STXBP5L: variants seen among roughly 807,000 people sequenced by gnomAD.
STXBP5L encodes the protein syntaxin-binding protein 5-like.
A neutral mutation model predicts 144.5 loss-of-function variants in STXBP5L; 65 were observed. The ratio of observed to expected loss-of-function variants is 0.45; its 90% confidence interval spans 0.37 to 0.55. The LOEUF (loss-of-function observed/expected upper bound fraction) is 0.55, where lower values mean the gene tolerates loss of function less well. Ranked by LOEUF, STXBP5L falls within the 20% of genes least tolerant of loss-of-function variation. The probability of loss-of-function intolerance (pLI) is 0.00; values close to 1 mark genes in which losing one functional copy is unlikely to be tolerated. For missense variants in STXBP5L, 1,298 were observed against 1,405.5 expected (o/e 0.92, Z 1.22); for synonymous variants, 505 against 469.6 (o/e 1.08, Z -0.97).
At position 121,125,287 on chromosome 3, in the gene STXBP5L, G is replaced by T. The variant is rs567223438; in HGVS notation, c.669+3583G>T. Among the ~76,000 whole-genome samples the T allele has an allele frequency of 2.0e-4, 30 of 152,152 alleles. No homozygotes were observed. In the South Asian group the frequency reaches 5.8e-3, roughly 29 times the overall value. ...AGTTCAAGACCAGCCTGGCCAACATGGTGGAACCCTGTCTCTACCAAAAAC... is the reference window on the plus strand; with the variant it reads ...AGTTCAAGACCAGCCTGGCCAACATTGTGGAACCCTGTCTCTACCAAAAAC... On this transcript the variant is annotated intron_variant, in intron 7 of 26. Transcript: ENST00000471454.
At chr3:121,144,170 G>A (rs997468580) in intron 7 of STXBP5L, among the ~76,000 whole-genome samples, 23 of 149,256 alleles carry the variant, frequency 1.5e-4, no homozygotes, top group Non-Finnish European at 2.4e-4. Flanking sequence ...CTAGTAACCC[G>A]ATTTTAAAAT....
intron 3 of STXBP5L, among the ~76,000 whole-genome samples, chr3:121,007,647 G>T (rs958656731): frequency 6.6e-6 from 1 of 152,002 alleles, no homozygotes; most frequent in African/African-American, 2.4e-5. Flanking sequence ...CAGGATGAGG[G>T]TGGGATATTA....
intron 19 of STXBP5L, among the ~76,000 whole-genome samples, chr3:121,310,531 C>T (rs2043490654): frequency 1.3e-5 from 2 of 151,560 alleles, no homozygotes; most frequent in South Asian, 4.2e-4. Flanking sequence ...AGGAGAGGGG[C>T]ATGAACCCAG....
chr3:121,024,045 A>G (rs1318855041), intron 3 of STXBP5L, among the ~76,000 whole-genome samples: 1 of 152,172 alleles, frequency 6.6e-6, no homozygotes, highest in Non-Finnish European at 1.5e-5. Context: ...GGCATGAGCC[A>G]CCGTGCCTGG....
intron 5 of STXBP5L, among the ~76,000 whole-genome samples, chr3:121,108,038 G>A (rs1461896065): frequency 6.6e-6 from 1 of 152,104 alleles, no homozygotes; most frequent in African/African-American, 2.4e-5. Context: ...ATATAGGAAT[G>A]GTTGTGATTT....
At chr3:121,399,992 C>T (rs1288178817) in intron 22 of STXBP5L, among the ~76,000 whole-genome samples, 1 of 152,224 alleles carries the variant, frequency 6.6e-6, no homozygotes, top group African/African-American at 2.4e-5. Flanking sequence ...TGAGAATTTG[C>T]ATTTTTAGCA....
intron 2 of STXBP5L, among the ~76,000 whole-genome samples, chr3:120,949,766 C>T (rs764654774): frequency 3.9e-5 from 6 of 152,012 alleles, no homozygotes; most frequent in Non-Finnish European, 7.4e-5. Flanking sequence ...TTATTCTGTT[C>T]CATTTGTCTA....
chr3:121,259,027 G>A lies in STXBP5L; in HGVS notation c.1833-16G>A, dbSNP rs771576310. 6.3e-7 allele frequency: 1 copy of A among 1,586,956 alleles called. No individual in the cohort carries two copies. The highest frequency in any genetic ancestry group is 1.2e-5 in the South Asian group (1 of 85,622). The stretch of plus-strand genomic sequence containing the variant: ...TATTTAAGCTGTATATAATAGGATT[G>A]TTTTTGTTCTTAAAGTGTGAAGACA... On this transcript the variant is annotated splice_polypyrimidine_tract_variant and intron_variant, in intron 17 of 26. Transcript: ENST00000471454.
intron 3 of STXBP5L, among the ~76,000 whole-genome samples, chr3:121,035,927 G>T (rs770709586): frequency 1.3e-5 from 2 of 152,042 alleles, no homozygotes; most frequent in Admixed American, 6.6e-5. Context: ...CAGTGAACAG[G>T]TCTTAAAACA....
In STXBP5L at chr3:121,250,641, T is replaced by G. The variant is rs571357440; in HGVS notation, c.1401-82T>G. On this transcript the variant is annotated intron_variant, in intron 14 of 26. Transcript: ENST00000471454. ...TTTTGAATCAAAATTGTATCAACAG[T>G]AACTCAAGTTTCTGTACATTTGGAG... 8.8e-6 allele frequency: 10 copies of G among 1,134,476 alleles called. No homozygotes were observed. In the East Asian group the frequency reaches 2.5e-4, roughly 29 times the overall value. The allele number at this position is 1,134,476 out of a possible 1,614,324, so 70.3% of individuals were successfully genotyped here. A position where few individuals can be genotyped will look rare whatever the true frequency, so the allele number is the denominator to read the frequency against.
chr3:121,058,305 T>G (rs1157742099), intron 5 of STXBP5L, among the ~76,000 whole-genome samples: 1 of 152,218 alleles, frequency 6.6e-6, no homozygotes, highest in Non-Finnish European at 1.5e-5. Flanking sequence ...AGACATGAAC[T>G]AATCCTTTTC....
At chr3:121,087,164 G>C (rs949022457) in intron 5 of STXBP5L, among the ~76,000 whole-genome samples, 1 of 152,010 alleles carries the variant, frequency 6.6e-6, no homozygotes, top group Admixed American at 6.6e-5. Flanking sequence ...TTTTGCTGTT[G>C]TTGACAGATT....
rs2050757994 is a variant in STXBP5L, at chr3:121,272,370, A to C, written c.1959-7435A>C. Among the ~76,000 whole-genome samples the C allele has an allele frequency of 3.3e-5, 5 of 152,230 alleles. No homozygotes were observed. The South Asian group carries it at 1.0e-3, about 32-fold the overall frequency. On this transcript the variant is annotated intron_variant, in intron 18 of 26. Coordinates refer to ENST00000471454, the MANE Select transcript of STXBP5L (RefSeq NM_001308330.2). ...TTGATGGATTGACTTCTTTATTGTT[A>C]TTTAATGATCCTCTTTGTCTTATGA... is the stretch of plus-strand genomic sequence containing the variant.
chr3:121,055,164 C>T (rs990866673), intron 5 of STXBP5L, among the ~76,000 whole-genome samples: 1 of 152,060 alleles, frequency 6.6e-6, no homozygotes, highest in African/African-American at 2.4e-5. Flanking sequence ...AAGAAAGATA[C>T]ATACATATTG....
chr3:120,959,540 G>A (rs1168615274), intron 3 of STXBP5L, among the ~76,000 whole-genome samples: 1 of 152,126 alleles, frequency 6.6e-6, no homozygotes, highest in Non-Finnish European at 1.5e-5. Context: ...CATGGTACTG[G>A]TACCAAAACA....
intron 21 of STXBP5L, among the ~76,000 whole-genome samples, chr3:121,379,325 T>C (rs950472231): frequency 6.4e-4 from 97 of 152,156 alleles, no homozygotes; most frequent in Non-Finnish European, 1.3e-4. Flanking sequence ...AATTTTCATC[T>C]TCATATATTT....
intron 9 of STXBP5L, among the ~76,000 whole-genome samples, chr3:121,174,371 T>G (rs1472989680): frequency 6.6e-6 from 1 of 152,148 alleles, no homozygotes; most frequent in African/African-American, 2.4e-5. Context: ...TTTTTTCTGA[T>G]ATTTTAGGCT....
intron 5 of STXBP5L, among the ~76,000 whole-genome samples, chr3:121,077,262 G>A (rs1016821858): frequency 2.6e-5 from 4 of 152,170 alleles, no homozygotes; most frequent in African/African-American, 9.7e-5. Flanking sequence ...ATGTTACGGG[G>A]CAATCAAAGA....
At position 121,332,474 on chromosome 3, in the gene STXBP5L, C is replaced by T. The variant is rs897378260; in HGVS notation, c.2176+13934C>T. ...ACATTTAAGGAATTATGAAATGCAG[C>T]AGAAACTTTTAACAGTAGACTAGAC... On this transcript the variant is annotated intron_variant, in intron 20 of 26. Transcript: ENST00000471454. Among the ~76,000 whole-genome samples the T allele has an allele frequency of 3.4e-5, 5 of 147,254 alleles. No homozygotes were observed. In the East Asian group the frequency reaches 7.8e-4, roughly 23 times the overall value.
Sources: gnomAD v4.1 joint callset for allele counts (sites outside exome capture counted in the v4.1 genomes callset) on GRCh38, gnomAD v4.1.1 for gene constraint, MANE v1.5 for transcripts, NCBI Gene and HGNC (gene_info 2026-07-23, HGNC 2026-07-21) for gene names.